JPH3: variants seen among roughly 807,000 people sequenced by gnomAD.
The protein encoded by JPH3 is junctophilin-3.
JPH3 carries 11 observed loss-of-function variants against 59.6 expected under a neutral mutation model. The observed-to-expected ratio is 0.18, with a 90% CI of 0.12 to 0.31. The LOEUF (loss-of-function observed/expected upper bound fraction) is 0.31, where lower values mean the gene tolerates loss of function less well. Among genes scored for constraint, JPH3 ranks in the 10% least tolerant of loss-of-function variants. The pLI is 1.00. For synonymous variants in JPH3, 673 were observed against 483.6 expected, an observed-to-expected ratio of 1.39 and a Z score of -5.14; for missense variants, 1,202 against 1,105.7, an observed-to-expected ratio of 1.09 and a Z score of -1.24.
At chr16:87,629,362 G>A (rs115264062) in intron 1 of JPH3, among the ~76,000 whole-genome samples, 7 of 151,532 alleles carry the variant, frequency 4.6e-5, no homozygotes, top group South Asian at 2.1e-4. Context: ...TAAAGATAAC[G>A]TATATTTGAT....
At chr16:87,637,616 C>A (rs1169242258) in intron 1 of JPH3, among the ~76,000 whole-genome samples, 3 of 152,136 alleles carry the variant, frequency 2.0e-5, no homozygotes, top group Non-Finnish European at 2.9e-5. Context: ...CCTAGTGACT[C>A]ACAGGCCCTT....
Position 87,690,131 on chromosome 16 carries a change from A to G in JPH3, c.1771A>G (p.Ser591Gly). 1 of 1,591,962 alleles carries G rather than the reference A, an allele frequency of 6.3e-7. No individual in the cohort carries two copies. Among genetic ancestry groups the G allele is most frequent in the Non-Finnish European group, 8.6e-7 (1 of 1,169,542 alleles). Residue 591 changes from serine to glycine, a missense_variant, in exon 4 of 5, where the codon AGC becomes GGC. Ser to Gly is a moderately conservative substitution (Grantham distance 56). Transcript: ENST00000284262. ...CACGTGGACTTCCCACCACCGGGCC[A>G]GCAACCACAGCCCCGGAGGCTCCAG... ...VFTWTSHHRA[S>G]NHSPGGSRLL...
intron 2 of JPH3, among the ~76,000 whole-genome samples, chr16:87,677,185 TACACACACAC>T (rs764055221): frequency 1.4e-4 from 13 of 95,198 alleles, no homozygotes; most frequent in Non-Finnish European, 1.4e-4. Flanking sequence ...TATATATATA[TACACACACAC>T]ACACACACAC....
At chr16:87,657,265 C>A (rs556788336) in intron 2 of JPH3, among the ~76,000 whole-genome samples, 1 of 152,178 alleles carries the variant, frequency 6.6e-6, no homozygotes, top group Non-Finnish European at 1.5e-5. Context: ...CCTGCCACGG[C>A]ATGAATGAGC....
chr16:87,623,900 T>C (rs1252850321), intron 1 of JPH3, among the ~76,000 whole-genome samples: 1 of 152,194 alleles, frequency 6.6e-6, no homozygotes, highest in Non-Finnish European at 1.5e-5. Flanking sequence ...TCCTCCTCCT[T>C]TGAGAGCCAC....
At chr16:87,621,249 A>G (rs1448887715) in intron 1 of JPH3, among the ~76,000 whole-genome samples, 1 of 152,230 alleles carries the variant, frequency 6.6e-6, no homozygotes, top group Non-Finnish European at 1.5e-5. Context: ...CTTGGCCCAG[A>G]GTGCCAGGGC....
chr16:87,686,108 C>T (rs1246965647), intron 3 of JPH3, among the ~76,000 whole-genome samples: 2 of 152,210 alleles, frequency 1.3e-5, no homozygotes, highest in East Asian at 3.9e-4. Context: ...AAGCAGCACT[C>T]CCGACACCTG....
At chr16:87,672,067 G>A (rs1033715267) in intron 2 of JPH3, among the ~76,000 whole-genome samples, 3 of 152,130 alleles carry the variant, frequency 2.0e-5, no homozygotes, top group African/African-American at 4.8e-5. Context: ...TCGCTCAACC[G>A]GGGTCTAGGC....
At chr16:87,641,399 C>A (rs1597254758) in intron 1 of JPH3, among the ~76,000 whole-genome samples, 1 of 152,134 alleles carries the variant, frequency 6.6e-6, no homozygotes, top group Admixed American at 6.5e-5. Flanking sequence ...GGACTTGCCT[C>A]CAGGTTAGCT....
chr16:87,668,451 C>A (rs563704177), intron 2 of JPH3, among the ~76,000 whole-genome samples: 9 of 152,324 alleles, frequency 5.9e-5, no homozygotes, highest in African/African-American at 2.2e-4. Context: ...GTTCCCTTCA[C>A]TGAGCCTTCA....
At chr16:87,691,841 G>C (rs2033589409) in intron 4 of JPH3, among the ~76,000 whole-genome samples, 1 of 152,140 alleles carries the variant, frequency 6.6e-6, no homozygotes, top group Non-Finnish European at 1.5e-5. Context: ...CCGGAGATGT[G>C]TGCGTGGCTG....
chr16:87,687,855 G>C (rs1341708213), intron 3 of JPH3, among the ~76,000 whole-genome samples: 2 of 152,118 alleles, frequency 1.3e-5, no homozygotes, highest in African/African-American at 2.4e-5. Flanking sequence ...TCGGGGGATG[G>C]GGGGGGCCTT....
intron 2 of JPH3, among the ~76,000 whole-genome samples, chr16:87,660,029 A>C (rs9934868): frequency 6.6e-6 from 1 of 151,780 alleles, no homozygotes; most frequent in Admixed American, 6.6e-5. Context: ...CCTAGTGTGG[A>C]GGTCGGGGGT....
intron 2 of JPH3, among the ~76,000 whole-genome samples, chr16:87,681,676 T>G (rs1350792421): frequency 6.4e-4 from 91 of 142,268 alleles, no homozygotes; most frequent in Middle Eastern, 3.8e-3. Context: ...TGGTGACAGT[T>G]CCGGGAGGTC....
chr16:87,613,816 A>T (rs1567582058), intron 1 of JPH3, among the ~76,000 whole-genome samples: 2 of 152,208 alleles, frequency 1.3e-5, no homozygotes, highest in Non-Finnish European at 2.9e-5. Context: ...TTTATCATAG[A>T]CGTTATATCT....
rs2033957431 is a variant in JPH3 at position 87,697,799 on chromosome 16, CA to C, written c.*1141del. The C allele has an allele frequency of 6.6e-6, 1 of 152,224 alleles. No individual in the cohort carries two copies. Among genetic ancestry groups the C allele is most frequent in the African/African-American group, 2.4e-5 (1 of 41,436 alleles). 9.4% of individuals were successfully genotyped at this position (152,224 alleles called of 1,614,324 possible). A position where few individuals can be genotyped will look rare whatever the true frequency, so the allele number is the denominator to read the frequency against. On this transcript the variant is annotated 3_prime_UTR_variant, in exon 5 of 5. Coordinates refer to ENST00000284262, the MANE Select transcript of JPH3 (RefSeq NM_020655.4). ...AATGTACAATGTAACTTGTTCAGTC[CA>C]ACAAAAACAGGTTCCTTATGTTTCT... is the stretch of plus-strand genomic sequence containing the variant.
intron 2 of JPH3, among the ~76,000 whole-genome samples, chr16:87,668,458 T>G (rs2032932094): frequency 6.6e-6 from 1 of 152,206 alleles, no homozygotes; most frequent in Admixed American, 6.5e-5. Flanking sequence ...TCACTGAGCC[T>G]TCATGCCTCC....
chr16:87,681,809 C>G (rs1204867159), intron 2 of JPH3, among the ~76,000 whole-genome samples: 1 of 152,186 alleles, frequency 6.6e-6, no homozygotes, highest in East Asian at 1.9e-4. Flanking sequence ...AGCCTGCTTT[C>G]CTTTGGGTCC....
intron 1 of JPH3, chr16:87,605,092 G>A (rs1380842195): frequency 5.5e-6 from 2 of 364,532 alleles, no homozygotes; most frequent in Non-Finnish European, 1.1e-5. Context: ...GGAGCCCAGG[G>A]GCTGCTATCA....
Sources: gnomAD v4.1 joint callset for allele counts (sites outside exome capture counted in the v4.1 genomes callset) on GRCh38, gnomAD v4.1.1 for gene constraint, MANE v1.5 for transcripts, NCBI Gene and HGNC (gene_info 2026-07-23, HGNC 2026-07-21) for gene names.